The following RBPJ variants were observed in gnomAD, a reference collection of about 807,000 sequenced individuals.
RBPJ encodes recombining binding protein suppressor of hairless.
In RBPJ, 9 loss-of-function variants were observed where a neutral mutation model predicts 67.8. The ratio of observed to expected loss-of-function variants is 0.13; its 90% CI spans 0.08 to 0.23. RBPJ has a LOEUF of 0.23. Ranked by LOEUF, RBPJ falls within the 10% of genes least tolerant of loss-of-function variation. The pLI is 1.00. For synonymous variants in RBPJ, 198 were observed against 203.3 expected (o/e 0.97, Z 0.22); for missense variants, 305 against 595.6 (o/e 0.51, Z 5.08).
At chr4:26,268,291 C>T (rs1241930248) in intron 1 of RBPJ, among the ~76,000 whole-genome samples, 1 of 152,006 alleles carries the variant, frequency 6.6e-6, no homozygotes, top group Non-Finnish European at 1.5e-5. Flanking sequence ...AACCAAGTGT[C>T]CTCTTTTTCT....
At chr4:26,129,013 G>A in the RBPJ span, among the ~76,000 whole-genome samples, 3 of 152,164 alleles carry the variant, frequency 2.0e-5, no homozygotes, top group East Asian at 3.8e-4. Flanking sequence ...TTACCCAGTC[G>A]TGGGTATGTC....
chr4:26,254,320 C>A (rs1720220555), intron 1 of RBPJ, among the ~76,000 whole-genome samples: 1 of 149,056 alleles, frequency 6.7e-6, no homozygotes, highest in African/African-American at 2.6e-5. Context: ...GCTCCTTCTC[C>A]TACCTCCATG....
intron 1 of RBPJ, among the ~76,000 whole-genome samples, chr4:26,337,527 CTT>C (rs74272715): frequency 7.0e-5 from 10 of 142,914 alleles, no homozygotes; most frequent in South Asian, 2.2e-4. Flanking sequence ...TTGTTTCCAA[CTT>C]TTTTTTTTTT....
At position 26,355,270 on chromosome 4, in the gene RBPJ, A is replaced by AT. The variant is rs1207375166; in HGVS notation, c.21-31078dup. 9.9e-5 allele frequency among the ~76,000 whole-genome samples: 15 copies of AT among 152,132 alleles called. 1 individual carries two copies. Among genetic ancestry groups the AT allele is most frequent in the Non-Finnish European group, 2.1e-4 (14 of 68,022 alleles). On this transcript the variant is annotated intron_variant, in intron 1 of 10. Coordinates refer to ENST00000355476, the MANE Select transcript of RBPJ (RefSeq NM_015874.6). ...TTTGTTGCATAGGCTGTGTACTAACATTTTTATTCTGAAGTTAAATACATC... is the reference window on the plus strand; with the variant it reads ...TTTGTTGCATAGGCTGTGTACTAACATTTTTTATTCTGAAGTTAAATACATC...
chr4:26,334,729 C>A (rs553721823), intron 1 of RBPJ, among the ~76,000 whole-genome samples: 8 of 152,138 alleles, frequency 5.3e-5, no homozygotes, highest in Non-Finnish European at 1.0e-4. Flanking sequence ...TTTTACCAGA[C>A]CCCCAAACCT....
chr4:26,120,167 G>A, the RBPJ span, among the ~76,000 whole-genome samples: 1 of 152,212 alleles, frequency 6.6e-6, no homozygotes. Context: ...AGCAGTAGTA[G>A]TAGACATAGA....
At chr4:26,337,479 A>G (rs1724976034) in intron 1 of RBPJ, among the ~76,000 whole-genome samples, 1 of 150,962 alleles carries the variant, frequency 6.6e-6, no homozygotes, top group African/African-American at 2.4e-5. Context: ...CTGGCTATCC[A>G]CAGGTGTGGC....
At chr4:26,413,015 T>C (rs1734195419) in intron 3 of RBPJ, 1 of 152,220 alleles carries the variant, frequency 6.6e-6, no homozygotes, top group African/African-American at 2.4e-5. Flanking sequence ...AAAACTGCTC[T>C]TTTCTATTGG....
At chr4:26,222,657 T>TATATAC (rs1553850671) in intron 1 of RBPJ, among the ~76,000 whole-genome samples, 1 of 146,100 alleles carries the variant, frequency 6.8e-6, no homozygotes, top group East Asian at 2.0e-4. Context: ...TATATATATA[T>TATATAC]ACCTATTATG....
chr4:26,253,197 T>A (rs1034760519), intron 1 of RBPJ, among the ~76,000 whole-genome samples: 6 of 152,146 alleles, frequency 3.9e-5, no homozygotes, highest in Non-Finnish European at 7.3e-5. Flanking sequence ...CAAAGTAGTC[T>A]GTGCTAAGGC....
chr4:26,367,346 G>C (rs1728741756), intron 1 of RBPJ, among the ~76,000 whole-genome samples: 1 of 150,970 alleles, frequency 6.6e-6, no homozygotes, highest in Non-Finnish European at 1.5e-5. Context: ...ACCAGATGCA[G>C]TTAATCTCAA....
chr4:26,406,652 G>C (rs1003634115), intron 3 of RBPJ, among the ~76,000 whole-genome samples: 3 of 152,198 alleles, frequency 2.0e-5, no homozygotes, highest in African/African-American at 7.2e-5. Context: ...CCATTGGCTG[G>C]AGCTGGACCT....
intron 1 of RBPJ, among the ~76,000 whole-genome samples, chr4:26,202,667 G>C (rs1052949319): frequency 9.2e-5 from 14 of 152,084 alleles, no homozygotes; most frequent in Middle Eastern, 6.8e-3. Flanking sequence ...AGCACTTTGG[G>C]GGGGCCAAAG....
At chr4:26,188,409 T>C (rs1032274365) in intron 1 of RBPJ, among the ~76,000 whole-genome samples, 1 of 152,230 alleles carries the variant, frequency 6.6e-6, no homozygotes, top group Non-Finnish European at 1.5e-5. Flanking sequence ...GAGAACAGAT[T>C]TGTTGTTTAA....
intron 1 of RBPJ, chr4:26,272,577 CAATAAATAA>C: frequency 2.5e-6 from 1 of 406,142 alleles, no homozygotes; most frequent in East Asian, 7.3e-5. Context: ...TCTATCTCTA[CAATAAATAA>C]AATAAATAAA....
At chr4:26,139,881 T>C in the RBPJ span, among the ~76,000 whole-genome samples, 1 of 152,206 alleles carries the variant, frequency 6.6e-6, no homozygotes, top group Non-Finnish European at 1.5e-5. Flanking sequence ...AGACTCTATA[T>C]TCTACAAAGA....
chr4:26,278,526 A>G (rs909206986), intron 1 of RBPJ, among the ~76,000 whole-genome samples: 1 of 152,222 alleles, frequency 6.6e-6, no homozygotes, highest in East Asian at 1.9e-4. Flanking sequence ...AATCATTTGA[A>G]TAACTATGGA....
chr4:26,149,943 T>G, the RBPJ span, among the ~76,000 whole-genome samples: 3 of 152,226 alleles, frequency 2.0e-5, no homozygotes, highest in Non-Finnish European at 4.4e-5. Context: ...AGGCAGAATT[T>G]ACGTTTCTTA....
chr4:26,218,025 G>A (rs888430484), intron 1 of RBPJ, among the ~76,000 whole-genome samples: 5 of 152,194 alleles, frequency 3.3e-5, no homozygotes, highest in Admixed American at 1.3e-4. Context: ...CAGCAGGACC[G>A]TCTTGCTAGG....
Sources: gnomAD v4.1 joint callset for allele counts (sites outside exome capture counted in the v4.1 genomes callset) on GRCh38, gnomAD v4.1.1 for gene constraint, MANE v1.5 for transcripts, NCBI Gene and HGNC (gene_info 2026-07-23, HGNC 2026-07-21) for gene names.